SLCO6A1: variants seen among roughly 807,000 people sequenced by gnomAD.
The protein encoded by SLCO6A1 is solute carrier organic anion transporter family member 6A1.
Under a neutral mutation model 72.7 loss-of-function variants are expected in SLCO6A1, and 65 were observed. That is an observed-to-expected ratio of 0.89 (90% CI 0.73 to 1.10). SLCO6A1 has a LOEUF of 1.10. SLCO6A1 is among the 50% of genes least tolerant of loss of function. The probability of loss-of-function intolerance (pLI) is 0.00; values close to 1 mark genes in which losing one functional copy is unlikely to be tolerated. For missense variants in SLCO6A1, 874 were observed against 872.6 expected, an observed-to-expected ratio of 1.00 and a Z score of -0.02; for synonymous variants, 314 against 298.2, an observed-to-expected ratio of 1.05 and a Z score of -0.55.
At chr5:102,470,446 T>C (rs1751548090) in intron 4 of SLCO6A1, among the ~76,000 whole-genome samples, 1 of 152,194 alleles carries the variant, frequency 6.6e-6, no homozygotes, top group Non-Finnish European at 1.5e-5. Context: ...TTTATTTGCA[T>C]AGAGATGTTT....
Position 102,399,628 on chromosome 5 carries a change from A to G in SLCO6A1, c.1741T>C (p.Phe581Leu), listed in dbSNP as rs771444429. The change falls in exon 10 of 14, where the codon TTC (phenylalanine) becomes CTC (leucine). Residue 581 changes from phenylalanine to leucine, a missense_variant. Physicochemically the swap from Phe to Leu is conservative, Grantham distance 22. Transcript: ENST00000506729. The stretch of plus-strand genomic sequence containing the variant: ...AGTGTAGAAAAGATAAAAGCAATGA[A>G]CAAAGGTAACTTATAGCACTTTGCA... The part of the protein sequence containing the change: ...CDAKCYKLPL[F>L]IAFIFSTLIF... The G allele has an allele frequency of 6.2e-7, 1 of 1,607,816 alleles. No individual in the cohort carries two copies. The highest frequency in any genetic ancestry group is 1.1e-5 in the South Asian group (1 of 90,016).
chr5:102,493,524 C>G (rs982829139), intron 1 of SLCO6A1, among the ~76,000 whole-genome samples: 3 of 152,052 alleles, frequency 2.0e-5, no homozygotes, highest in Non-Finnish European at 2.9e-5. Context: ...AAAAATAAAA[C>G]CTACAGTTAA....
At chr5:102,473,133 C>T (rs1402380469) in intron 4 of SLCO6A1, among the ~76,000 whole-genome samples, 1 of 151,834 alleles carries the variant, frequency 6.6e-6, no homozygotes, top group Non-Finnish European at 1.5e-5. Context: ...TTCTATGTGG[C>T]CAACATACTC....
At chr5:102,386,106 C>T (rs13358233) in intron 12 of SLCO6A1, among the ~76,000 whole-genome samples, 10,899 of 152,210 alleles carry the variant, frequency 0.072, 450 homozygotes, top group African/African-American at 0.1. Context: ...GACATTTATT[C>T]CAGTCCTTAC....
At chr5:102,418,631 C>A (rs1748423019) in intron 8 of SLCO6A1, among the ~76,000 whole-genome samples, 2 of 152,096 alleles carry the variant, frequency 1.3e-5, no homozygotes, top group South Asian at 4.1e-4. Flanking sequence ...AGCTTGTTGG[C>A]TGACCACACT....
chr5:102,403,009 A>C (rs952943055), intron 9 of SLCO6A1, among the ~76,000 whole-genome samples: 16 of 152,198 alleles, frequency 1.1e-4, no homozygotes, highest in African/African-American at 3.9e-4. Flanking sequence ...TATTTGATGA[A>C]AAAATATGAC....
chr5:102,378,598 T>C (rs2167585), intron 12 of SLCO6A1, among the ~76,000 whole-genome samples: 43,052 of 144,408 alleles, frequency 0.3, 6,097 homozygotes, highest in Non-Finnish European at 0.33. Context: ...ACCAAAATTA[T>C]GTAAGTGGAA....
At chr5:102,476,021 A>G (rs1751879868) in intron 3 of SLCO6A1, among the ~76,000 whole-genome samples, 1 of 152,136 alleles carries the variant, frequency 6.6e-6, no homozygotes, top group African/African-American at 2.4e-5. Flanking sequence ...ATGCAAAAGC[A>G]TAAGAATGAT....
At chr5:102,391,418 C>G (rs1425714821) in intron 10 of SLCO6A1, among the ~76,000 whole-genome samples, 5 of 152,104 alleles carry the variant, frequency 3.3e-5, no homozygotes, top group Admixed American at 1.3e-4. Context: ...GAGATTCACT[C>G]TCCACATTTT....
chr5:102,387,069 G>A lies in SLCO6A1; in HGVS notation c.2017+1619C>T, dbSNP rs575989849. Among the ~76,000 whole-genome samples, 8 of 152,160 alleles carry A rather than the reference G, an allele frequency of 5.3e-5. No homozygotes were observed. In the East Asian group the frequency reaches 1.2e-3, roughly 22 times the overall value. ...CTCTCCTGAAGGTATTTTCACACAT[G>A]GATGGTCAAATAAATGTTTCTGTGA... On this transcript the variant is annotated intron_variant, in intron 12 of 13. Transcript: ENST00000506729.
chr5:102,413,992 T>C (rs1748133249), intron 8 of SLCO6A1, among the ~76,000 whole-genome samples: 1 of 152,100 alleles, frequency 6.6e-6, no homozygotes, highest in African/African-American at 2.4e-5. Context: ...TTTTGTTAGA[T>C]ATATTATTTT....
intron 12 of SLCO6A1, among the ~76,000 whole-genome samples, chr5:102,388,316 A>G (rs1054936540): frequency 6.6e-6 from 1 of 151,994 alleles, no homozygotes; most frequent in Non-Finnish European, 1.5e-5. Flanking sequence ...TTACTATATA[A>G]CTAGATAATC....
intron 1 of SLCO6A1, among the ~76,000 whole-genome samples, chr5:102,498,075 CTA>C (rs1242630882): frequency 6.6e-6 from 1 of 152,174 alleles, no homozygotes; most frequent in Non-Finnish European, 1.5e-5. Context: ...TTCAACCACA[CTA>C]TGATTCCCTG....
intron 9 of SLCO6A1, among the ~76,000 whole-genome samples, 174 bp downstream of exon 9, chr5:102,412,816 A>C (rs1348099987): frequency 6.6e-6 from 1 of 151,966 alleles, no homozygotes; most frequent in Non-Finnish European, 1.5e-5. Flanking sequence ...TGTCTTTAAC[A>C]CTTAAAAGGG....
At chr5:102,417,946 G>T (rs1349839112) in intron 8 of SLCO6A1, among the ~76,000 whole-genome samples, 1 of 151,648 alleles carries the variant, frequency 6.6e-6, no homozygotes, top group South Asian at 2.1e-4. Context: ...AGTGGGCTGA[G>T]ATTGTGCCAC....
At chr5:102,434,498 C>T (rs534205979) in intron 7 of SLCO6A1, among the ~76,000 whole-genome samples, 1 of 152,304 alleles carries the variant, frequency 6.6e-6, no homozygotes, top group South Asian at 2.1e-4. Context: ...ACTGCTATTG[C>T]TGTGAGTCAT....
intron 6 of SLCO6A1, among the ~76,000 whole-genome samples, chr5:102,455,127 T>C (rs940889252): frequency 8.0e-5 from 12 of 150,708 alleles, no homozygotes; most frequent in African/African-American, 2.9e-4. Context: ...TTTTTTATAA[T>C]AGAGAAGAGA....
chr5:102,376,487 A>G (rs193000673), intron 12 of SLCO6A1, among the ~76,000 whole-genome samples: 12 of 152,288 alleles, frequency 7.9e-5, no homozygotes, highest in African/African-American at 2.9e-4. Context: ...ATTCATCAAA[A>G]AGACATAAAA....
At chr5:102,381,221 T>C (rs908521262) in intron 12 of SLCO6A1, among the ~76,000 whole-genome samples, 1 of 151,716 alleles carries the variant, frequency 6.6e-6, no homozygotes, top group Non-Finnish European at 1.5e-5. Context: ...TTGACCAATA[T>C]CTCTCATTTC....
Sources: allele counts gnomAD v4.1 joint callset (sites outside exome capture counted in the v4.1 genomes callset), GRCh38; gene constraint gnomAD v4.1.1; transcripts MANE v1.5; gene names NCBI Gene and HGNC (gene_info 2026-07-23, HGNC 2026-07-21).